TGM4: variants seen among roughly 807,000 people sequenced by gnomAD.
The protein encoded by TGM4 is protein-glutamine gamma-glutamyltransferase 4.
A neutral mutation model predicts 76.3 loss-of-function variants in TGM4; 61 were observed. That is an observed-to-expected ratio of 0.80 (90% CI 0.65 to 0.99). The LOEUF (loss-of-function observed/expected upper bound fraction) is 0.99, where lower values mean the gene tolerates loss of function less well. TGM4 is among the 50% of genes least tolerant of loss of function. TGM4 has a pLI of 0.00. For missense variants in TGM4, 794 were observed against 843.2 expected (o/e 0.94, Z 0.72); for synonymous variants, 337 against 329.8 (o/e 1.02, Z -0.24).
chr3:44,913,463 A>T, intron 13 of TGM4, 121 bp from the exon 14 acceptor site: 1 of 1,312,758 alleles, frequency 7.6e-7, no homozygotes, highest in Non-Finnish European at 1.0e-6. Context: ...TGGAATGGCC[A>T]GGACTTTTCA....
At chr3:44,880,631 C>A (rs1030147855) in intron 1 of TGM4, among the ~76,000 whole-genome samples, 1 of 152,174 alleles carries the variant, frequency 6.6e-6, no homozygotes, top group Non-Finnish European at 1.5e-5. Flanking sequence ...CCTGAGGGAG[C>A]TAGGCAGGTC....
intron 3 of TGM4, among the ~76,000 whole-genome samples, chr3:44,889,765 T>C (rs1396233738): frequency 6.6e-6 from 1 of 152,200 alleles, no homozygotes; most frequent in African/African-American, 2.4e-5. Flanking sequence ...TCTGGGACTC[T>C]GGCTGCCTGT....
chr3:44,885,292 G>A, intron 1 of TGM4, 33 bp from the exon 2 acceptor site: 1 of 1,571,368 alleles, frequency 6.4e-7, no homozygotes, highest in South Asian at 1.2e-5. Context: ...CATTCTCTGT[G>A]CTCTCTTTCC....
intron 2 of TGM4, 66 bp downstream of exon 2, chr3:44,885,564 G>A: frequency 4.5e-6 from 7 of 1,546,220 alleles, no homozygotes; most frequent in Non-Finnish European, 5.3e-6. Context: ...GGATGCTGGA[G>A]TGGCCCTTTC....
chr3:44,901,934 A>T lies in TGM4; in HGVS notation c.971+3A>T. On this transcript the variant is annotated splice_donor_region_variant and intron_variant, in intron 8 of 13. Coordinates refer to ENST00000296125, the MANE Select transcript of TGM4 (RefSeq NM_003241.4). ...AGTATGACCCACGACTCTGTCTGGT[A>T]GGGTTCCTCCTTCTCAACCTGCCCT... 1 of 1,613,640 alleles carries T rather than the reference A, an allele frequency of 6.2e-7. No individual in the cohort carries two copies. The highest frequency in any genetic ancestry group is 2.2e-5 in the East Asian group (1 of 44,862).
At chr3:44,891,441 T>C (rs1559613021) in intron 4 of TGM4, among the ~76,000 whole-genome samples, 1 of 130,452 alleles carries the variant, frequency 7.7e-6, no homozygotes, top group Non-Finnish European at 1.7e-5. Flanking sequence ...CCTATACCCT[T>C]TATCATCCAG....
At chr3:44,880,092 C>T (rs1381159669) in intron 1 of TGM4, among the ~76,000 whole-genome samples, 1 of 152,232 alleles carries the variant, frequency 6.6e-6, no homozygotes, top group Non-Finnish European at 1.5e-5. Flanking sequence ...AGCCACTGTG[C>T]CTGGTCCATA....
intron 9 of TGM4, among the ~76,000 whole-genome samples, chr3:44,905,060 C>G (rs1457432129): frequency 1.1e-4 from 16 of 152,136 alleles, no homozygotes; most frequent in Admixed American, 1.0e-3. Context: ...TCTTGGCTCA[C>G]TGCAACCTCT....
At chr3:44,906,776 G>GC (rs1699927332) in intron 9 of TGM4, among the ~76,000 whole-genome samples, 173 bp from the exon 10 acceptor site, 1 of 152,180 alleles carries the variant, frequency 6.6e-6, no homozygotes. Flanking sequence ...GCTGAGATGT[G>GC]CCCCTCTTTT....
At chr3:44,877,063 G>A (rs972661771) in intron 1 of TGM4, among the ~76,000 whole-genome samples, 1 of 152,182 alleles carries the variant, frequency 6.6e-6, no homozygotes, top group Non-Finnish European at 1.5e-5. Context: ...CCCAAAATTT[G>A]GGAGGCTGAG....
At position 44,890,689 on chromosome 3, in the gene TGM4, T is replaced by C; in HGVS notation, c.387T>C (p.Ser129=). The C allele has an allele frequency of 6.2e-7, 1 of 1,614,244 alleles. No homozygotes were observed. The highest frequency in any genetic ancestry group is 8.5e-7 in the Non-Finnish European group (1 of 1,180,044). The change falls in exon 4 of 14, where the codon TCT becomes TCC. Residue 129 remains serine (S), a synonymous_variant. Coordinates refer to ENST00000296125, the MANE Select transcript of TGM4 (RefSeq NM_003241.4). The part of the protein sequence containing the change: ...NVKTGNHILK[S]EENILYLLFN... ...AAACTGGAAACCACATCCTTAAGTC[T>C]GAAGAAAACATCCTATACCTTCTCT...
At chr3:44,910,904 A>G in intron 11 of TGM4, 54 bp from the exon 12 acceptor site, 2 of 1,582,834 alleles carry the variant, frequency 1.3e-6, no homozygotes, top group South Asian at 2.3e-5. Flanking sequence ...AGGAGAACTC[A>G]TACTGGGGGG....
In TGM4 at chr3:44,910,307, C is replaced by T. The variant is rs1559621443; in HGVS notation, c.1545C>T (p.Tyr515=). The change falls in exon 11 of 14, where the codon TAC becomes TAT. Residue 515 remains tyrosine, a synonymous_variant. Coordinates refer to ENST00000296125, the MANE Select transcript of TGM4 (RefSeq NM_003241.4). ...TGGGCTCCTTTGAACTACAGTTGTA[C>T]ACTGGCAAGAAGATGGCAAAACTGT... The part of the protein sequence containing the change: ...NILGSFELQL[Y]TGKKMAKLCD... 3 of 1,614,198 alleles carry T rather than the reference C, an allele frequency of 1.9e-6. No homozygotes were observed. In the South Asian group the frequency reaches 3.3e-5, roughly 18 times the overall value.
Position 44,907,067 on chromosome 3 carries a change from G to A in TGM4, c.1194G>A (p.Val398=), listed in dbSNP as rs756962944. ...ATGGTGACAGGCTCATCTGGTTGGT[G>A]AAGATGGTGAATGGGCAGGAGGAGT... is the stretch of plus-strand genomic sequence containing the variant. ...EVNGDRLIWL[V]KMVNGQEELH... Residue 398 remains valine (V), a synonymous_variant, in exon 10 of 14, where the codon GTG becomes GTA. Coordinates refer to ENST00000296125, the MANE Select transcript of TGM4 (RefSeq NM_003241.4). 1 of 1,614,210 alleles carries A rather than the reference G, an allele frequency of 6.2e-7. No homozygotes were observed. Among genetic ancestry groups the A allele is most frequent in the Non-Finnish European group, 8.5e-7 (1 of 1,180,044 alleles).
intron 1 of TGM4, among the ~76,000 whole-genome samples, chr3:44,879,455 T>C (rs9832678): frequency 0.79 from 117,952 of 148,488 alleles, 47,132 homozygotes; most frequent in East Asian, 1. Context: ...TACAGGCATG[T>C]GCCACCAAGC....
intron 1 of TGM4, among the ~76,000 whole-genome samples, chr3:44,879,265 C>CTATATATATATATA (rs57611128): frequency 1.1e-5 from 1 of 92,294 alleles, no homozygotes; most frequent in African/African-American, 4.4e-5. Flanking sequence ...CTCTCTCTCT[C>CTATATATATATATA]TATATATATA....
rs990813203 is a variant in TGM4, at chr3:44,896,694, C to A, written c.550-15C>A. On this transcript the variant is annotated splice_polypyrimidine_tract_variant and intron_variant, in intron 5 of 13. Coordinates refer to ENST00000296125, the MANE Select transcript of TGM4 (RefSeq NM_003241.4). ...GCAAAGTCTTAACTGCCTCTTTCTT[C>A]ATTTCCCAAAATAGTTTGAGAAAAA... The A allele has an allele frequency of 5.0e-6, 8 of 1,613,032 alleles. No homozygotes were observed. The highest frequency in any genetic ancestry group is 1.6e-4 in the Middle Eastern group (1 of 6,062).
chr3:44,874,893 C>T (rs898951164), intron 1 of TGM4, among the ~76,000 whole-genome samples, 196 bp downstream of exon 1: 2 of 152,178 alleles, frequency 1.3e-5, no homozygotes, highest in Non-Finnish European at 2.9e-5. Context: ...TTCAGATTTA[C>T]AAAAAGATTG....
chr3:44,906,837 C>A lies in TGM4; in HGVS notation c.1076-112C>A, dbSNP rs113459410. 2.0e-5 allele frequency: 30 copies of A among 1,470,910 alleles called. No homozygotes were observed. In the African/African-American group the frequency reaches 3.5e-4, roughly 17 times the overall value. 91.1% of individuals were successfully genotyped at this position (1,470,910 alleles called of 1,614,324 possible). ...AATGAGTACCCAGATGCTTCTTGGGCAAAATTTGCTTGCCAGTCCTGTTTG... is the reference window on the plus strand; with the variant it reads ...AATGAGTACCCAGATGCTTCTTGGGAAAAATTTGCTTGCCAGTCCTGTTTG... On this transcript the variant is annotated intron_variant, in intron 9 of 13. Coordinates refer to ENST00000296125, the MANE Select transcript of TGM4 (RefSeq NM_003241.4).
Sources: gnomAD v4.1 joint callset for allele counts (sites outside exome capture counted in the v4.1 genomes callset) on GRCh38, gnomAD v4.1.1 for gene constraint, MANE v1.5 for transcripts, NCBI Gene and HGNC (gene_info 2026-07-23, HGNC 2026-07-21) for gene names.